Variants in PCDH9 observed in about 807,000 individuals in gnomAD.
PCDH9 encodes protocadherin 9, also known as protocadherin-9.
A neutral mutation model predicts 70.6 loss-of-function variants in PCDH9; 24 were observed. The observed-to-expected ratio is 0.34, with a 90% CI of 0.25 to 0.48. The LOEUF (loss-of-function observed/expected upper bound fraction) is 0.48, where lower values mean the gene tolerates loss of function less well. Ranked by LOEUF, PCDH9 falls within the 20% of genes least tolerant of loss-of-function variation. The pLI is 0.99. For missense variants in PCDH9, 1,281 were observed against 1,503.6 expected, an observed-to-expected ratio of 0.85 and a Z score of 2.45; for synonymous variants, 562 against 558.5, an observed-to-expected ratio of 1.01 and a Z score of -0.09.
At chr13:67,145,594 A>G (rs190139101) in intron 2 of PCDH9, among the ~76,000 whole-genome samples, 115 of 130,530 alleles carry the variant, frequency 8.8e-4, no homozygotes, top group African/African-American at 2.8e-3. Flanking sequence ...AAAATGGTAG[A>G]CTATACAAAA....
chr13:67,195,531 C>G (rs2089040080), intron 2 of PCDH9, among the ~76,000 whole-genome samples: 1 of 152,052 alleles, frequency 6.6e-6, no homozygotes, highest in Admixed American at 6.5e-5. Flanking sequence ...AAAAATAATT[C>G]GTTACTCTTA....
intron 2 of PCDH9, among the ~76,000 whole-genome samples, chr13:67,035,262 A>G (rs940506178): frequency 2.0e-5 from 3 of 152,192 alleles, no homozygotes; most frequent in Non-Finnish European, 4.4e-5. Flanking sequence ...AAAAGTTCAT[A>G]TCAAGGTTTA....
At chr13:66,372,040 AT>A (rs1956664703) in intron 4 of PCDH9, among the ~76,000 whole-genome samples, 1 of 152,002 alleles carries the variant, frequency 6.6e-6, no homozygotes, top group Non-Finnish European at 1.5e-5. Context: ...CCACTTCTTA[AT>A]ACTTATGTTA....
At chr13:66,597,239 T>C (rs758375045) in intron 4 of PCDH9, among the ~76,000 whole-genome samples, 6 of 151,694 alleles carry the variant, frequency 4.0e-5, no homozygotes, top group Non-Finnish European at 7.4e-5. Context: ...CTCAATGACA[T>C]TTATTTACAG....
At chr13:66,859,362 A>C (rs990182709) in intron 3 of PCDH9, among the ~76,000 whole-genome samples, 6 of 152,128 alleles carry the variant, frequency 3.9e-5, no homozygotes, top group Non-Finnish European at 8.8e-5. Context: ...TAGTGTTTGT[A>C]TTTGAACAAG....
intron 4 of PCDH9, among the ~76,000 whole-genome samples, chr13:66,393,046 C>T (rs1957046113): frequency 6.6e-6 from 1 of 152,144 alleles, no homozygotes; most frequent in Non-Finnish European, 1.5e-5. Context: ...CTTTTCTGTG[C>T]TCTGAATATT....
intron 2 of PCDH9, among the ~76,000 whole-genome samples, chr13:67,006,191 C>T (rs2084350708): frequency 6.6e-6 from 1 of 152,166 alleles, no homozygotes. Context: ...CGTGCCACTG[C>T]ACTCCAGCCT....
intron 4 of PCDH9, among the ~76,000 whole-genome samples, chr13:66,339,999 C>T (rs989720098): frequency 6.6e-6 from 1 of 152,124 alleles, no homozygotes; most frequent in African/African-American, 2.4e-5. Flanking sequence ...GAACTTCCTC[C>T]TTTGTCTTCC....
chr13:66,657,555 A>C (rs2077949137), intron 3 of PCDH9, among the ~76,000 whole-genome samples: 1 of 152,198 alleles, frequency 6.6e-6, no homozygotes. Context: ...ACTTTAAACA[A>C]AAATTCTCAT....
chr13:66,520,952 C>T (rs1453981287), intron 4 of PCDH9, among the ~76,000 whole-genome samples: 7 of 152,010 alleles, frequency 4.6e-5, no homozygotes, highest in Non-Finnish European at 1.0e-4. Flanking sequence ...GTATTCTGCC[C>T]AAGGACAACA....
intron 4 of PCDH9, among the ~76,000 whole-genome samples, chr13:66,572,138 GA>G (rs1300212176): frequency 1.3e-5 from 2 of 151,976 alleles, no homozygotes; most frequent in Non-Finnish European, 2.9e-5. Flanking sequence ...GTGATATTTT[GA>G]TACATTCATA....
intron 3 of PCDH9, among the ~76,000 whole-genome samples, chr13:66,685,390 G>T (rs1448451300): frequency 6.6e-6 from 1 of 152,212 alleles, no homozygotes; most frequent in African/African-American, 2.4e-5. Context: ...AAAAATTGAG[G>T]TTTGAGAACC....
intron 4 of PCDH9, among the ~76,000 whole-genome samples, chr13:66,352,410 CA>C (rs771092017): frequency 2.1e-4 from 32 of 152,082 alleles, no homozygotes; most frequent in Non-Finnish European, 4.3e-4. Flanking sequence ...GCTTAAACAA[CA>C]GAAATATTGC....
At chr13:66,596,739 C>G (rs1445263857) in intron 4 of PCDH9, among the ~76,000 whole-genome samples, 1 of 150,968 alleles carries the variant, frequency 6.6e-6, no homozygotes, top group Non-Finnish European at 1.5e-5. Flanking sequence ...CTCATATATA[C>G]TTTGTAATTA....
chr13:66,737,643 C>A (rs147987986), intron 3 of PCDH9, among the ~76,000 whole-genome samples: 4 of 152,110 alleles, frequency 2.6e-5, no homozygotes, highest in African/African-American at 9.7e-5. Context: ...GTGCGCGCAC[C>A]GTGCACGAGC....
chr13:66,766,798 A>G (rs2079724639), intron 3 of PCDH9, among the ~76,000 whole-genome samples: 1 of 152,042 alleles, frequency 6.6e-6, no homozygotes, highest in Non-Finnish European at 1.5e-5. Flanking sequence ...TGACTGTATA[A>G]AACAGCAAGC....
At chr13:66,843,879 C>T (rs1226790417) in intron 3 of PCDH9, among the ~76,000 whole-genome samples, 2 of 152,120 alleles carry the variant, frequency 1.3e-5, no homozygotes, top group Admixed American at 6.5e-5. Context: ...TTATAAATGC[C>T]CTTTTGGGGT....
chr13:66,454,431 C>T (rs1958276878), intron 4 of PCDH9, among the ~76,000 whole-genome samples: 1 of 152,066 alleles, frequency 6.6e-6, no homozygotes, highest in South Asian at 2.1e-4. Flanking sequence ...TCCATCTACC[C>T]AAAACAGAAA....
chr13:67,006,646 G>A (rs1302055990), intron 2 of PCDH9, among the ~76,000 whole-genome samples: 1 of 152,150 alleles, frequency 6.6e-6, no homozygotes, highest in Non-Finnish European at 1.5e-5. Context: ...TGTTTTAGCT[G>A]TTTAAGTTGA....
Sources: gnomAD v4.1 joint callset for allele counts (sites outside exome capture counted in the v4.1 genomes callset) on GRCh38, gnomAD v4.1.1 for gene constraint, MANE v1.5 for transcripts, NCBI Gene and HGNC (gene_info 2026-07-23, HGNC 2026-07-21) for gene names.